RBFOX1: variants seen among roughly 807,000 people sequenced by gnomAD.
RBFOX1 encodes RNA binding fox-1 homolog 1.
A neutral mutation model predicts 57.7 loss-of-function variants in RBFOX1; 8 were observed. The ratio of observed to expected loss-of-function variants is 0.14; its 90% CI spans 0.08 to 0.25. RBFOX1 has a LOEUF of 0.25. RBFOX1 is among the 10% of genes least tolerant of loss of function. RBFOX1 has a pLI of 1.00. For synonymous variants in RBFOX1, 326 were observed against 222.4 expected, an observed-to-expected ratio of 1.47 and a Z score of -4.15; for missense variants, 611 against 548.5, an observed-to-expected ratio of 1.11 and a Z score of -1.14.
At chr16:5,323,392 C>T (rs1297688582) in intron 1 of RBFOX1, among the ~76,000 whole-genome samples, 3 of 152,168 alleles carry the variant, frequency 2.0e-5, no homozygotes, top group Admixed American at 6.5e-5. Flanking sequence ...ATGAATGGGT[C>T]GTGACCCGCA....
intron 2 of RBFOX1, among the ~76,000 whole-genome samples, chr16:6,566,032 G>A (rs1485112451): frequency 3.3e-5 from 5 of 152,160 alleles, no homozygotes; most frequent in Admixed American, 6.5e-5. Flanking sequence ...CACCTCTTCT[G>A]CGATTACCAG....
chr16:6,441,894 G>A (rs560206367), intron 2 of RBFOX1, among the ~76,000 whole-genome samples: 2 of 152,266 alleles, frequency 1.3e-5, no homozygotes, highest in African/African-American at 4.8e-5. Flanking sequence ...TCTGACTCAG[G>A]CAGCAGTGGT....
At chr16:6,343,072 G>C (rs1281629606) in intron 2 of RBFOX1, among the ~76,000 whole-genome samples, 1 of 152,180 alleles carries the variant, frequency 6.6e-6, no homozygotes, top group African/African-American at 2.4e-5. Context: ...AAAGGGAGGA[G>C]AAGTGACAAT....
Position 7,564,030 on chromosome 16 carries a change from G to A in RBFOX1, c.271-15747G>A, listed in dbSNP as rs141450126. Among the ~76,000 whole-genome samples the A allele has an allele frequency of 2.9e-3, 445 of 152,252 alleles. 2 individuals carry two copies. The highest frequency in any genetic ancestry group is 4.7e-3 in the Non-Finnish European group (320 of 68,026). ...TCTTTAAGTGCAGGTGTTTGTAGGC[G>A]CTGCCTCAGTAACACAGCTGTGGAC... On this transcript the variant is annotated intron_variant, in intron 5 of 15. Coordinates refer to ENST00000550418, the MANE Select transcript of RBFOX1 (RefSeq NM_018723.4).
Position 6,011,391 on chromosome 16 carries a change from T to C in RBFOX1, c.351+144056T>C, listed in dbSNP as rs2152338568. Reference sequence around the variant, plus strand: ...ACAGAGTGTTTTTTTTTTATTGGCCTTTGGATCCCCTATACATAAACAGAG... The same window carrying C: ...ACAGAGTGTTTTTTTTTTATTGGCCCTTGGATCCCCTATACATAAACAGAG... On this transcript the variant is annotated intron_variant, in intron 4 of 19. Transcript: ENST00000641259. 1.3e-5 allele frequency among the ~76,000 whole-genome samples: 2 copies of C among 152,274 alleles called. 1 individual carries two copies. Among genetic ancestry groups the C allele is most frequent in the South Asian group, 4.1e-4 (2 of 4,830 alleles).
intron 1 of RBFOX1, among the ~76,000 whole-genome samples, chr16:6,255,390 G>A (rs2097654238): frequency 6.6e-6 from 1 of 152,098 alleles, no homozygotes; most frequent in African/African-American, 2.4e-5. Context: ...ATTTTGCTCG[G>A]CCAAGAGGTG....
chr16:6,931,595 T>C (rs571266778), intron 3 of RBFOX1, among the ~76,000 whole-genome samples: 2 of 152,094 alleles, frequency 1.3e-5, no homozygotes, highest in African/African-American at 4.8e-5. Context: ...GGACAACATA[T>C]CCCACCCCAC....
intron 4 of RBFOX1, among the ~76,000 whole-genome samples, chr16:7,464,870 T>C (rs879776693): frequency 6.6e-6 from 1 of 151,852 alleles, no homozygotes; most frequent in African/African-American, 2.4e-5. Flanking sequence ...CTAATTTTTT[T>C]GTATTTTTAG....
intron 3 of RBFOX1, among the ~76,000 whole-genome samples, chr16:6,883,851 C>T (rs1016471125): frequency 6.6e-6 from 1 of 151,250 alleles, no homozygotes; most frequent in Non-Finnish European, 1.5e-5. Flanking sequence ...AATTAATGTC[C>T]TTTGTAGTAG....
chr16:6,720,196 T>A (rs2065696331), intron 3 of RBFOX1, among the ~76,000 whole-genome samples: 1 of 152,128 alleles, frequency 6.6e-6, no homozygotes, highest in Admixed American at 6.5e-5. Context: ...TGACAGTAAT[T>A]GTAGTCCTTA....
chr16:5,764,461 C>G (rs1263256254), intron 3 of RBFOX1, among the ~76,000 whole-genome samples: 1 of 152,172 alleles, frequency 6.6e-6, no homozygotes, highest in Non-Finnish European at 1.5e-5. Context: ...ATTATTTATA[C>G]TTTACCCCTT....
intron 3 of RBFOX1, among the ~76,000 whole-genome samples, chr16:6,759,588 C>T (rs755611707): frequency 2.0e-5 from 3 of 151,290 alleles, no homozygotes; most frequent in South Asian, 2.1e-4. Flanking sequence ...GTTCCAGTTC[C>T]AGTATTTCTG....
chr16:6,840,655 G>A (rs1378722566), intron 3 of RBFOX1, among the ~76,000 whole-genome samples: 3 of 151,926 alleles, frequency 2.0e-5, no homozygotes, highest in South Asian at 2.1e-4. Flanking sequence ...TTGGGAGGCC[G>A]AGGCTGGTGG....
rs189676254 is a variant in RBFOX1, at chr16:7,212,358, C to T, written c.27+160260C>T. 1.4e-4 allele frequency among the ~76,000 whole-genome samples: 21 copies of T among 152,224 alleles called. 1 individual carries two copies. Among genetic ancestry groups the T allele is most frequent in the African/African-American group, 4.1e-4 (17 of 41,538 alleles). On this transcript the variant is annotated intron_variant, in intron 4 of 15. Coordinates refer to ENST00000550418, the MANE Select transcript of RBFOX1 (RefSeq NM_018723.4). ...AGGAAAGTATTCGCTTGCCTGTAGCCGCGTTGACCCTAGCGCTTGATGACT... is the reference window on the plus strand; with the variant it reads ...AGGAAAGTATTCGCTTGCCTGTAGCTGCGTTGACCCTAGCGCTTGATGACT...
At chr16:6,825,244 C>G (rs979034726) in intron 3 of RBFOX1, among the ~76,000 whole-genome samples, 4 of 150,898 alleles carry the variant, frequency 2.7e-5, no homozygotes, top group African/African-American at 7.3e-5. Context: ...TGCCCTCTAG[C>G]TACTAGATAC....
At chr16:5,849,434 A>G (rs1461653358) in intron 3 of RBFOX1, among the ~76,000 whole-genome samples, 2 of 152,004 alleles carry the variant, frequency 1.3e-5, no homozygotes, top group African/African-American at 4.8e-5. Context: ...ATTTGCTACA[A>G]TCCTCTGCTA....
intron 3 of RBFOX1, among the ~76,000 whole-genome samples, chr16:6,700,274 G>C (rs7198444): frequency 2.6e-5 from 4 of 151,922 alleles, no homozygotes; most frequent in Admixed American, 2.0e-4. Context: ...TGAACCCAAG[G>C]CTTGTTGAAA....
chr16:7,023,762 TC>T (rs1345138891), intron 3 of RBFOX1, among the ~76,000 whole-genome samples: 1 of 152,038 alleles, frequency 6.6e-6, no homozygotes, highest in African/African-American at 2.4e-5. Flanking sequence ...TGTGTTCTTT[TC>T]CACTTAGCTC....
At chr16:5,377,364 G>A (rs965994851) in intron 1 of RBFOX1, among the ~76,000 whole-genome samples, 10 of 151,332 alleles carry the variant, frequency 6.6e-5, no homozygotes, top group Admixed American at 1.3e-4. Flanking sequence ...ATGGGGTCAC[G>A]TAAGCAGAGA....
Sources: gnomAD v4.1 joint callset for allele counts (sites outside exome capture counted in the v4.1 genomes callset) on GRCh38, gnomAD v4.1.1 for gene constraint, MANE v1.5 for transcripts, NCBI Gene and HGNC (gene_info 2026-07-23, HGNC 2026-07-21) for gene names.